The following PGM2 variants were observed in gnomAD, a reference collection of about 807,000 sequenced individuals.
PGM2 encodes the protein phosphopentomutase.
Under a neutral mutation model 74.6 loss-of-function variants are expected in PGM2, and 57 were observed. That is an observed-to-expected ratio of 0.76 (90% confidence interval 0.62 to 0.95). The LOEUF (loss-of-function observed/expected upper bound fraction) is 0.95. Among genes scored for constraint, PGM2 ranks in the 40% least tolerant of loss-of-function variants. The probability of loss-of-function intolerance (pLI) is 0.00; values close to 1 mark genes in which losing one functional copy is unlikely to be tolerated. For synonymous variants in PGM2, 273 were observed against 260.7 expected, an observed-to-expected ratio of 1.05 and a Z score of -0.46; for missense variants, 706 against 741.9, an observed-to-expected ratio of 0.95 and a Z score of 0.56.
At chr4:37,850,705 A>G (rs115694841) in intron 12 of PGM2, among the ~76,000 whole-genome samples, 10,727 of 151,786 alleles carry the variant, frequency 0.071, 687 homozygotes, top group East Asian at 0.19. Flanking sequence ...AAGAGACTCT[A>G]CTAGGCTGGG....
chr4:37,857,611 A>G (rs1413902929), intron 13 of PGM2, among the ~76,000 whole-genome samples: 1 of 152,048 alleles, frequency 6.6e-6, no homozygotes, highest in Non-Finnish European at 1.5e-5. Context: ...ATACAGCTCC[A>G]CTCCAACACA....
intron 11 of PGM2, among the ~76,000 whole-genome samples, chr4:37,849,735 A>G (rs1229301356): frequency 2.0e-5 from 3 of 151,302 alleles, no homozygotes; most frequent in East Asian, 3.9e-4. Flanking sequence ...TGGTCTTTTA[A>G]AAATTATTCC....
In PGM2 at chr4:37,850,470, T is replaced by G. The variant is rs1726009164; in HGVS notation, c.1602+97T>G. On this transcript the variant is annotated intron_variant, in intron 12 of 13. Coordinates refer to ENST00000381967, the MANE Select transcript of PGM2 (RefSeq NM_018290.4). ...TAACCATACAATTAATTGAAGCTGA[T>G]TTTAGGCACTTAGGCGTGATTATAA... The G allele has an allele frequency of 6.8e-6, 5 of 736,860 alleles. No homozygotes were observed. The South Asian group carries it at 1.3e-4, about 19-fold the overall frequency. The allele number at this position is 736,860 out of a possible 1,614,324, so 45.6% of individuals were successfully genotyped here. A position where few individuals can be genotyped will look rare whatever the true frequency, so the allele number is the denominator to read the frequency against.
chr4:37,850,484 G>A (rs768034679), intron 12 of PGM2, 111 bp downstream of exon 12: 4 of 636,568 alleles, frequency 6.3e-6, no homozygotes, highest in African/African-American at 1.9e-5. Flanking sequence ...AGGCACTTAG[G>A]CGTGATTATA....
intron 8 of PGM2, among the ~76,000 whole-genome samples, 175 bp from the exon 9 acceptor site, chr4:37,846,756 G>T (rs1008452925): frequency 1.3e-5 from 2 of 152,218 alleles, no homozygotes; most frequent in African/African-American, 4.8e-5. Flanking sequence ...TCAGATGTTT[G>T]TAAAATGGCA....
chr4:37,851,832 T>G (rs977401049), intron 12 of PGM2, among the ~76,000 whole-genome samples: 2 of 152,218 alleles, frequency 1.3e-5, no homozygotes, highest in African/African-American at 4.8e-5. Flanking sequence ...GCCACAGCTT[T>G]TGGTTAAATC....
chr4:37,838,024 G>A (rs1454469842), intron 4 of PGM2, among the ~76,000 whole-genome samples: 3 of 151,974 alleles, frequency 2.0e-5, no homozygotes, highest in East Asian at 3.9e-4. Flanking sequence ...GGTATTACAG[G>A]TGCCTGCCAT....
chr4:37,847,960 T>A (rs541269478), intron 10 of PGM2, among the ~76,000 whole-genome samples: 1 of 152,378 alleles, frequency 6.6e-6, no homozygotes, highest in Non-Finnish European at 1.5e-5. Flanking sequence ...AATCAAAGCA[T>A]AATCGCTCAG....
chr4:37,835,200 T>C (rs1054163799), intron 3 of PGM2, among the ~76,000 whole-genome samples: 4 of 152,226 alleles, frequency 2.6e-5, no homozygotes, highest in African/African-American at 9.6e-5. Context: ...GACACTTATG[T>C]ATTTACTCAT....
At chr4:37,853,070 T>C (rs1437647769) in intron 12 of PGM2, among the ~76,000 whole-genome samples, 2 of 152,228 alleles carry the variant, frequency 1.3e-5, no homozygotes, top group African/African-American at 4.8e-5. Flanking sequence ...TCTTCTGTTT[T>C]TCTGGGAGAT....
At chr4:37,853,560 T>A (rs1228542894) in intron 12 of PGM2, among the ~76,000 whole-genome samples, 1 of 152,172 alleles carries the variant, frequency 6.6e-6, no homozygotes, top group East Asian at 1.9e-4. Flanking sequence ...GATCCTTAAT[T>A]TTCCTTTGGG....
chr4:37,845,880 C>T (rs2152178578), intron 8 of PGM2, 150 bp downstream of exon 8: 1 of 608,498 alleles, frequency 1.6e-6, no homozygotes, highest in Non-Finnish European at 2.9e-6. Context: ...GTAGAGTCTT[C>T]TAATGGAGAG....
At chr4:37,856,878 AG>A in intron 13 of PGM2, among the ~76,000 whole-genome samples, 1 of 152,216 alleles carries the variant, frequency 6.6e-6, no homozygotes, top group Non-Finnish European at 1.5e-5. Flanking sequence ...TACTTAACCT[AG>A]TATATCCAAA....
In PGM2 at chr4:37,844,562, A is replaced by AT. The variant is rs202085851; in HGVS notation, c.909+18dup. The stretch of plus-strand genomic sequence containing the variant: ...AGGGGAAAGGTGTCTTGGTAACCTA[A>AT]TTTTTTTTTAAATTATGAAATCTGC... On this transcript the variant is annotated intron_variant, in intron 7 of 13. Transcript: ENST00000381967. 494 of 1,530,378 alleles carry AT rather than the reference A, an allele frequency of 3.2e-4. No homozygotes were observed. The highest frequency in any genetic ancestry group is 2.5e-3 in the East Asian group (109 of 44,222). 94.8% of individuals were successfully genotyped at this position (1,530,378 alleles called of 1,614,324 possible).
intron 12 of PGM2, among the ~76,000 whole-genome samples, chr4:37,851,934 G>T (rs1726049374): frequency 6.7e-6 from 1 of 148,604 alleles, no homozygotes; most frequent in Non-Finnish European, 1.5e-5. Flanking sequence ...TTTGTATAGA[G>T]AATTGTATTT....
rs866184055 is a variant in PGM2 at position 37,826,723 on chromosome 4, A to G, written c.-10A>G. The G allele has an allele frequency of 3.2e-6, 5 of 1,548,662 alleles. No individual in the cohort carries two copies. Among genetic ancestry groups the G allele is most frequent in the Middle Eastern group, 3.3e-4 (2 of 5,984 alleles). On this transcript the variant is annotated 5_prime_UTR_variant, in exon 1 of 14. Coordinates refer to ENST00000381967, the MANE Select transcript of PGM2 (RefSeq NM_018290.4). The stretch of plus-strand genomic sequence containing the variant: ...CTGCTTCCCTCTGCAGCGGTAGCAC[A>G]AGCTCAGCGATGGCGGCTCCAGAAG...
intron 3 of PGM2, among the ~76,000 whole-genome samples, chr4:37,835,543 G>C (rs1433245640): frequency 6.6e-6 from 1 of 152,096 alleles, no homozygotes; most frequent in Admixed American, 6.5e-5. Flanking sequence ...TTTTTTACTT[G>C]AACACTTCCT....
chr4:37,845,180 G>C (rs1029628621), intron 7 of PGM2, among the ~76,000 whole-genome samples: 1 of 152,002 alleles, frequency 6.6e-6, no homozygotes, highest in Admixed American at 6.6e-5. Flanking sequence ...ACTTTAGCAG[G>C]TTATGATTTT....
At chr4:37,835,182 A>T (rs1262855060) in intron 3 of PGM2, among the ~76,000 whole-genome samples, 1 of 152,240 alleles carries the variant, frequency 6.6e-6, no homozygotes, top group Non-Finnish European at 1.5e-5. Flanking sequence ...AGTGCTGATT[A>T]TGAACCAGAC....
Sources: allele counts gnomAD v4.1 joint callset (sites outside exome capture counted in the v4.1 genomes callset), GRCh38; gene constraint gnomAD v4.1.1; transcripts MANE v1.5; gene names NCBI Gene and HGNC (gene_info 2026-07-23, HGNC 2026-07-21).